The following CTNNA2 variants were observed in gnomAD, a reference collection of about 807,000 sequenced individuals.
CTNNA2 encodes catenin alpha 2.
CTNNA2 carries 42 observed loss-of-function variants against 101.0 expected under a neutral mutation model. The observed-to-expected ratio is 0.42, with a 90% CI of 0.32 to 0.54. The LOEUF is 0.54. Among genes scored for constraint, CTNNA2 ranks in the 20% least tolerant of loss-of-function variants. The pLI is 0.14. For synonymous variants in CTNNA2, 450 were observed against 456.4 expected, an observed-to-expected ratio of 0.99 and a Z score of 0.18; for missense variants, 871 against 1,223.1, an observed-to-expected ratio of 0.71 and a Z score of 4.29.
At chr2:79,916,983 A>G (rs1226155869) in intron 7 of CTNNA2, among the ~76,000 whole-genome samples, 2 of 151,686 alleles carry the variant, frequency 1.3e-5, no homozygotes, top group Non-Finnish European at 1.5e-5. Flanking sequence ...GTCTGGCTCT[A>G]TTGCCCAGGC....
chr2:79,863,193 A>G (rs1296961940), intron 4 of CTNNA2, among the ~76,000 whole-genome samples: 1 of 151,910 alleles, frequency 6.6e-6, no homozygotes, highest in Non-Finnish European at 1.5e-5. Flanking sequence ...TTGGCCTCTC[A>G]GTCATGTGCA....
intron 3 of CTNNA2, among the ~76,000 whole-genome samples, chr2:79,853,113 C>A (rs534365104): frequency 8.5e-5 from 13 of 152,108 alleles, no homozygotes; most frequent in Non-Finnish European, 1.8e-4. Context: ...AGTGATCCAC[C>A]CACCTCAGCC....
intron 2 of CTNNA2, among the ~76,000 whole-genome samples, chr2:79,680,103 G>C (rs115078333): frequency 6.6e-6 from 1 of 151,824 alleles, no homozygotes; most frequent in African/African-American, 2.4e-5. Context: ...CTTATTTTTG[G>C]ACTGACCCTT....
At chr2:80,627,275 C>T (rs993607899) in intron 18 of CTNNA2, among the ~76,000 whole-genome samples, 2 of 152,136 alleles carry the variant, frequency 1.3e-5, no homozygotes, top group Non-Finnish European at 2.9e-5. Flanking sequence ...AGTTCTAGAT[C>T]CTTGAAGAAT....
intron 3 of CTNNA2, among the ~76,000 whole-genome samples, chr2:79,341,240 C>A (rs565100606): frequency 6.2e-4 from 95 of 152,148 alleles, no homozygotes; most frequent in Non-Finnish European, 1.1e-3. Flanking sequence ...AAGATTCAGA[C>A]CTTAGCGTAC....
Position 79,786,421 on chromosome 2 carries a change from A to G in CTNNA2, c.298+41839A>G, listed in dbSNP as rs17261097. On this transcript the variant is annotated intron_variant, in intron 3 of 18. Transcript: ENST00000402739. ...TAAGGTAATGGATTAAACACATCCTACTTTAAGATTTACTGTTGAAACACA... is the reference window on the plus strand; with the variant it reads ...TAAGGTAATGGATTAAACACATCCTGCTTTAAGATTTACTGTTGAAACACA... Among the ~76,000 whole-genome samples, 796 of 152,244 alleles carry G rather than the reference A, an allele frequency of 5.2e-3. 5 individuals are homozygous for G. Among genetic ancestry groups the G allele is most frequent in the Non-Finnish European group, 8.7e-3 (591 of 68,010 alleles).
chr2:79,899,192 G>A (rs1026113909), intron 6 of CTNNA2, among the ~76,000 whole-genome samples: 2 of 151,854 alleles, frequency 1.3e-5, no homozygotes, highest in African/African-American at 2.4e-5. Flanking sequence ...TTCAGGAAAA[G>A]AATAAAATCC....
chr2:79,689,992 A>T (rs978482032), intron 2 of CTNNA2, among the ~76,000 whole-genome samples: 2 of 151,990 alleles, frequency 1.3e-5, no homozygotes, highest in African/African-American at 4.8e-5. Context: ...GCATATACAT[A>T]CCTAAAATAC....
intron 2 of CTNNA2, among the ~76,000 whole-genome samples, chr2:79,251,751 C>T (rs2104272760): frequency 6.6e-6 from 1 of 152,262 alleles, no homozygotes; most frequent in South Asian, 2.1e-4. Context: ...CTGGACATGA[C>T]TGCAGCCCTG....
At chr2:79,648,800 G>C (rs1173838500) in intron 1 of CTNNA2, among the ~76,000 whole-genome samples, 3 of 152,202 alleles carry the variant, frequency 2.0e-5, no homozygotes, top group Admixed American at 6.5e-5. Flanking sequence ...TTATGGGGTA[G>C]AGACAGAATT....
chr2:80,008,424 C>T (rs1693530649), intron 7 of CTNNA2, among the ~76,000 whole-genome samples: 1 of 152,184 alleles, frequency 6.6e-6, no homozygotes, highest in Non-Finnish European at 1.5e-5. Flanking sequence ...GCACTCACTA[C>T]TAATTAAGAG....
chr2:80,490,978 T>C (rs1033773523), intron 9 of CTNNA2, among the ~76,000 whole-genome samples: 1 of 152,196 alleles, frequency 6.6e-6, no homozygotes, highest in African/African-American at 2.4e-5. Flanking sequence ...AGTTACTAAT[T>C]TGATAAATTG....
chr2:79,438,684 T>C (rs1006095570), intron 4 of CTNNA2, among the ~76,000 whole-genome samples: 7 of 152,146 alleles, frequency 4.6e-5, no homozygotes, highest in African/African-American at 1.2e-4. Flanking sequence ...GTCCTAGATA[T>C]ATGTGACTGT....
At chr2:79,320,661 C>T (rs1676600069) in intron 3 of CTNNA2, among the ~76,000 whole-genome samples, 1 of 152,104 alleles carries the variant, frequency 6.6e-6, no homozygotes, top group South Asian at 2.1e-4. Flanking sequence ...TACAGACCAG[C>T]CCATGTGTGA....
chr2:80,574,013 T>C, intron 12 of CTNNA2, 150 bp from the exon 13 acceptor site: 1 of 683,390 alleles, frequency 1.5e-6, no homozygotes, highest in African/African-American at 1.8e-5. Flanking sequence ...TAAAGACTAC[T>C]AAATTGGGCT....
At chr2:79,245,093 C>T (rs1674682064) in intron 2 of CTNNA2, among the ~76,000 whole-genome samples, 1 of 148,628 alleles carries the variant, frequency 6.7e-6, no homozygotes, top group Non-Finnish European at 1.5e-5. Flanking sequence ...GAAACTCCAT[C>T]TCAAGAAAAA....
chr2:80,533,194 A>G (rs1690692169), intron 9 of CTNNA2, among the ~76,000 whole-genome samples: 1 of 152,212 alleles, frequency 6.6e-6, no homozygotes, highest in East Asian at 1.9e-4. Flanking sequence ...TGCAATGGGT[A>G]GCACAGCCAG....
intron 1 of CTNNA2, among the ~76,000 whole-genome samples, chr2:79,553,608 C>A (rs1157297196): frequency 6.6e-6 from 1 of 152,130 alleles, no homozygotes; most frequent in Non-Finnish European, 1.5e-5. Flanking sequence ...AAAGGGGAAG[C>A]AGGCACATCT....
At chr2:79,902,385 G>T (rs1316910412) in intron 6 of CTNNA2, among the ~76,000 whole-genome samples, 15 of 152,116 alleles carry the variant, frequency 9.9e-5, no homozygotes, top group Non-Finnish European at 2.1e-4. Context: ...ATCTAGGTGT[G>T]TTTTTTTGCT....
Sources: allele counts gnomAD v4.1 joint callset (sites outside exome capture counted in the v4.1 genomes callset), GRCh38; gene constraint gnomAD v4.1.1; transcripts MANE v1.5; gene names NCBI Gene and HGNC (gene_info 2026-07-23, HGNC 2026-07-21).